GRHL2: variants seen among roughly 807,000 people sequenced by gnomAD.
The protein encoded by GRHL2 is grainyhead like transcription factor 2, also known as grainyhead-like protein 2 homolog.
A neutral mutation model predicts 83.8 loss-of-function variants in GRHL2; 21 were observed. That is an observed-to-expected ratio of 0.25 (90% CI 0.18 to 0.36). The LOEUF (loss-of-function observed/expected upper bound fraction) is 0.36, where lower values mean the gene tolerates loss of function less well. GRHL2 is among the 10% of genes least tolerant of loss of function. The pLI is 1.00. For missense variants in GRHL2, 623 were observed against 781.8 expected (o/e 0.80, Z 2.42); for synonymous variants, 280 against 278.9 (o/e 1.00, Z -0.04).
At chr8:101,576,318 G>A (rs1811932554) in intron 6 of GRHL2, among the ~76,000 whole-genome samples, 1 of 152,104 alleles carries the variant, frequency 6.6e-6, no homozygotes, top group African/African-American at 2.4e-5. Context: ...AGCTCAAACG[G>A]ATCCTCCTGT....
chr8:101,583,825 A>G (rs1812107866), intron 7 of GRHL2, among the ~76,000 whole-genome samples: 1 of 152,280 alleles, frequency 6.6e-6, no homozygotes, highest in Non-Finnish European at 1.5e-5. Context: ...AACAACCAAC[A>G]TTAACTTCAT....
rs773643037 is a variant in GRHL2 at position 101,570,428 on chromosome 8, A to C, written c.734+34A>C. On this transcript the variant is annotated intron_variant, in intron 5 of 15. Coordinates refer to ENST00000646743, the MANE Select transcript of GRHL2 (RefSeq NM_024915.4). ...CCAGGAGATGCATCCTTAGAAACTG[A>C]TTAACTGATAAACCTTTAAATGTAC... 8 of 1,518,878 alleles carry C rather than the reference A, an allele frequency of 5.3e-6. No individual in the cohort carries two copies. The African/African-American group carries it at 1.1e-4, about 21-fold the overall frequency. 94.1% of individuals were successfully genotyped at this position (1,518,878 alleles called of 1,614,324 possible). A position where few individuals can be genotyped will look rare whatever the true frequency, so the allele number is the denominator to read the frequency against.
At chr8:101,628,378 G>A (rs1419784353) in intron 9 of GRHL2, among the ~76,000 whole-genome samples, 7 of 151,854 alleles carry the variant, frequency 4.6e-5, no homozygotes, top group African/African-American at 1.7e-4. Flanking sequence ...GTTTTTGGTG[G>A]GCTTCATTTT....
chr8:101,614,003 T>C (rs1024858555), intron 8 of GRHL2, among the ~76,000 whole-genome samples: 7 of 151,048 alleles, frequency 4.6e-5, no homozygotes, highest in African/African-American at 1.5e-4. Flanking sequence ...CCAAATTGCT[T>C]TCTGAATCAA....
intron 12 of GRHL2, among the ~76,000 whole-genome samples, chr8:101,641,430 C>A (rs1215817373): frequency 6.6e-6 from 1 of 152,154 alleles, no homozygotes; most frequent in African/African-American, 2.4e-5. Context: ...CAACCCCATT[C>A]TTTCCTCTTC....
At chr8:101,676,401 G>T in the GRHL2 span, among the ~76,000 whole-genome samples, 3 of 151,634 alleles carry the variant, frequency 2.0e-5, no homozygotes, top group Non-Finnish European at 4.4e-5. Context: ...GTGGGCGAAG[G>T]ATATGAACAG....
At chr8:101,593,690 T>G (rs1812331898) in intron 7 of GRHL2, among the ~76,000 whole-genome samples, 1 of 152,062 alleles carries the variant, frequency 6.6e-6, no homozygotes, top group Admixed American at 6.5e-5. Context: ...AAAAGATCTT[T>G]GCAGATTGTG....
chr8:101,576,214 G>C (rs761895626), intron 6 of GRHL2, among the ~76,000 whole-genome samples: 5 of 152,030 alleles, frequency 3.3e-5, no homozygotes, highest in African/African-American at 7.2e-5. Context: ...AGTTGTTTTG[G>C]TTTTGGTTTT....
intron 8 of GRHL2, among the ~76,000 whole-genome samples, chr8:101,614,947 C>A (rs1419872181): frequency 2.6e-5 from 4 of 152,154 alleles, no homozygotes; most frequent in African/African-American, 9.7e-5. Flanking sequence ...CAATGCCAAC[C>A]CTATTATAAA....
intron 9 of GRHL2, among the ~76,000 whole-genome samples, chr8:101,630,799 T>C (rs575687637): frequency 6.6e-6 from 1 of 152,278 alleles, no homozygotes; most frequent in African/African-American, 2.4e-5. Flanking sequence ...GAACCCACGT[T>C]GGAATGTCTA....
chr8:101,509,886 C>T (rs1019183774), intron 1 of GRHL2, among the ~76,000 whole-genome samples: 1 of 152,060 alleles, frequency 6.6e-6, no homozygotes, highest in African/African-American at 2.4e-5. Context: ...AGGAAGTCAA[C>T]CACTTGCAAG....
At chr8:101,677,746 G>A in the GRHL2 span, among the ~76,000 whole-genome samples, 1 of 152,058 alleles carries the variant, frequency 6.6e-6, no homozygotes, top group Non-Finnish European at 1.5e-5. Flanking sequence ...GATGCTCTCA[G>A]AATAATCATT....
At chr8:101,563,681 C>A (rs1196673558) in intron 4 of GRHL2, among the ~76,000 whole-genome samples, 1 of 151,966 alleles carries the variant, frequency 6.6e-6, no homozygotes, top group East Asian at 1.9e-4. Flanking sequence ...CTTCCTGCAT[C>A]ATATTGCTTA....
the GRHL2 span, among the ~76,000 whole-genome samples, chr8:101,677,220 A>ATAATAATAT: frequency 4.0e-5 from 6 of 151,708 alleles, no homozygotes; most frequent in Non-Finnish European, 1.5e-5. Flanking sequence ...AACAATAATA[A>ATAATAATAT]TAATAAAAAT....
chr8:101,610,466 G>A (rs1812725534), intron 8 of GRHL2, among the ~76,000 whole-genome samples: 2 of 150,784 alleles, frequency 1.3e-5, no homozygotes, highest in Middle Eastern at 3.4e-3. Flanking sequence ...AAATGGAGAG[G>A]GCTTTGTTGA....
At chr8:101,563,813 G>A (rs547559320) in intron 4 of GRHL2, among the ~76,000 whole-genome samples, 32 of 151,818 alleles carry the variant, frequency 2.1e-4, no homozygotes, top group African/African-American at 7.5e-4. Flanking sequence ...AGTAGTGAGG[G>A]GTGCTTCTGT....
At chr8:101,515,821 T>A (rs1810561991) in intron 1 of GRHL2, among the ~76,000 whole-genome samples, 1 of 152,188 alleles carries the variant, frequency 6.6e-6, no homozygotes, top group African/African-American at 2.4e-5. Context: ...AAAGACAGCT[T>A]AAGAATATTG....
chr8:101,634,009 C>T (rs1054365565), intron 11 of GRHL2, among the ~76,000 whole-genome samples: 20 of 152,288 alleles, frequency 1.3e-4, no homozygotes, highest in South Asian at 1.2e-3. Flanking sequence ...ACTGTCAGTC[C>T]GCTGACCTCT....
the GRHL2 span, among the ~76,000 whole-genome samples, chr8:101,679,473 A>G: frequency 6.7e-6 from 1 of 150,084 alleles, no homozygotes; most frequent in Non-Finnish European, 1.5e-5. Flanking sequence ...AGTGATGGGG[A>G]GAATGGAACC....
Sources: gnomAD v4.1 joint callset for allele counts (sites outside exome capture counted in the v4.1 genomes callset) on GRCh38, gnomAD v4.1.1 for gene constraint, MANE v1.5 for transcripts, NCBI Gene and HGNC (gene_info 2026-07-23, HGNC 2026-07-21) for gene names.